PLXNA4: variants seen among roughly 807,000 people sequenced by gnomAD.
PLXNA4 encodes plexin-A4.
In PLXNA4, 44 loss-of-function variants were observed where a neutral mutation model predicts 191.8. The ratio of observed to expected loss-of-function variants is 0.23; its 90% CI spans 0.18 to 0.29. The LOEUF (loss-of-function observed/expected upper bound fraction) is 0.29. PLXNA4 is among the 10% of genes least tolerant of loss of function. The pLI, the probability that PLXNA4 is intolerant of heterozygous loss-of-function variation, is 1.00. For missense variants in PLXNA4, 1,800 were observed against 2,488.8 expected (o/e 0.72, Z 5.89); for synonymous variants, 1,082 against 1,009.5 (o/e 1.07, Z -1.36).
intron 2 of PLXNA4, among the ~76,000 whole-genome samples, chr7:132,642,164 CT>C (rs1227635638): frequency 6.6e-6 from 1 of 151,984 alleles, no homozygotes; most frequent in Non-Finnish European, 1.5e-5. Context: ...TAATTTCTTT[CT>C]TTAATTTTCT....
upstream of PLXNA4, among the ~76,000 whole-genome samples, chr7:132,578,346 C>G (rs1802333469): frequency 6.6e-6 from 1 of 152,166 alleles, no homozygotes; most frequent in African/African-American, 2.4e-5. Flanking sequence ...CAAGGACGAC[C>G]CTCTAAAGGA....
At chr7:132,173,672 C>T (rs1796361734) in intron 21 of PLXNA4, among the ~76,000 whole-genome samples, 2 of 152,230 alleles carry the variant, frequency 1.3e-5, no homozygotes, top group African/African-American at 4.8e-5. Context: ...CTTGGACAGC[C>T]CACTTAGACA....
At chr7:132,132,405 C>CTGT (rs1281165868) in intron 31 of PLXNA4, among the ~76,000 whole-genome samples, 1 of 30,804 alleles carries the variant, frequency 3.2e-5, no homozygotes, top group African/African-American at 1.6e-4. Flanking sequence ...CTGTTCTGTT[C>CTGT]TGTTCTGTTC....
At chr7:132,405,209 C>T (rs963917267) in intron 3 of PLXNA4, among the ~76,000 whole-genome samples, 2 of 152,056 alleles carry the variant, frequency 1.3e-5, no homozygotes, top group Non-Finnish European at 2.9e-5. Context: ...TGGCTGAAAT[C>T]GGGAGGCAGG....
intron 3 of PLXNA4, among the ~76,000 whole-genome samples, chr7:132,322,060 G>A (rs1802189075): frequency 6.6e-6 from 1 of 152,088 alleles, no homozygotes; most frequent in South Asian, 2.1e-4. Context: ...TGAAAAGGTT[G>A]GAAAAGGAAT....
chr7:132,396,976 A>G (rs1034916890), intron 3 of PLXNA4, among the ~76,000 whole-genome samples: 5 of 152,214 alleles, frequency 3.3e-5, no homozygotes, highest in Non-Finnish European at 5.9e-5. Context: ...GGCCTAGGGA[A>G]ATCCTGCCCC....
intron 2 of PLXNA4, among the ~76,000 whole-genome samples, chr7:132,505,785 T>C (rs1274518264): frequency 1.3e-5 from 2 of 152,188 alleles, no homozygotes; most frequent in East Asian, 1.9e-4. Context: ...GAGTGTCTAA[T>C]AGACATGTCC....
chr7:132,626,931 G>A (rs965181752), intron 2 of PLXNA4, among the ~76,000 whole-genome samples: 3 of 152,120 alleles, frequency 2.0e-5, no homozygotes, highest in Admixed American at 1.3e-4. Flanking sequence ...TTTCACAGAT[G>A]TTGATCCCAA....
chr7:132,283,054 A>G (rs1164784639), intron 4 of PLXNA4, among the ~76,000 whole-genome samples: 1 of 152,054 alleles, frequency 6.6e-6, no homozygotes, highest in African/African-American at 2.4e-5. Flanking sequence ...TAATTTTTGT[A>G]GAGACAGGAT....
chr7:132,226,105 C>A, intron 8 of PLXNA4, 56 bp downstream of exon 8: 1 of 1,512,818 alleles, frequency 6.6e-7, no homozygotes, highest in Non-Finnish European at 9.2e-7. Flanking sequence ...GTTTTCTGAT[C>A]TTTGGATGAA....
chr7:132,447,709 T>G (rs1304829758), intron 3 of PLXNA4, among the ~76,000 whole-genome samples: 2 of 152,124 alleles, frequency 1.3e-5, no homozygotes, highest in Non-Finnish European at 2.9e-5. Flanking sequence ...GAACTCAAGC[T>G]GGGTGCAGTG....
intron 1 of PLXNA4, among the ~76,000 whole-genome samples, chr7:132,538,051 C>CA (rs1299358413): frequency 6.6e-6 from 1 of 152,236 alleles, no homozygotes; most frequent in African/African-American, 2.4e-5. Flanking sequence ...AGAAAAGGAT[C>CA]AGACAATCGC....
At chr7:132,182,243 T>A in intron 16 of PLXNA4, 53 bp from the exon 17 acceptor site, 1 of 1,603,716 alleles carries the variant, frequency 6.2e-7, no homozygotes. Context: ...GGAAGAGCAA[T>A]GGCACTCTAC....
intron 20 of PLXNA4, among the ~76,000 whole-genome samples, chr7:132,178,914 G>A (rs1389869522): frequency 7.2e-6 from 1 of 138,438 alleles, no homozygotes; most frequent in African/African-American, 2.8e-5. Context: ...CTGCTTGCTT[G>A]TAAATGAAAC....
intron 3 of PLXNA4, among the ~76,000 whole-genome samples, chr7:132,485,846 TC>T (rs888812787): frequency 1.3e-5 from 2 of 151,972 alleles, no homozygotes; most frequent in African/African-American, 2.4e-5. Flanking sequence ...TCACCTCCTT[TC>T]CCCCCGCTTC....
In PLXNA4 at chr7:132,373,097, T is replaced by C. The variant is rs114675356; in HGVS notation, c.1372-74875A>G. Among the ~76,000 whole-genome samples, 824 of 152,342 alleles carry C rather than the reference T, an allele frequency of 5.4e-3. 6 individuals carry two copies. Among genetic ancestry groups the C allele is most frequent in the African/African-American group, 0.019 (805 of 41,588 alleles). Reference sequence around the variant, plus strand: ...ACTATGTCGTTGGTAAATATCATTATTCCCATTTTGCACGGGCACTAATTC... The same window carrying C: ...ACTATGTCGTTGGTAAATATCATTACTCCCATTTTGCACGGGCACTAATTC... On this transcript the variant is annotated intron_variant, in intron 3 of 31. Transcript: ENST00000321063.
intron 10 of PLXNA4, among the ~76,000 whole-genome samples, chr7:132,210,325 C>T (rs182130657): frequency 3.3e-5 from 5 of 152,318 alleles, no homozygotes; most frequent in East Asian, 1.9e-4. Context: ...ATTAGGTAGA[C>T]AGCTGTCGGC....
intron 2 of PLXNA4, among the ~76,000 whole-genome samples, chr7:132,601,131 T>C (rs7778267): frequency 2.0e-5 from 3 of 152,184 alleles, no homozygotes; most frequent in African/African-American, 7.2e-5. Flanking sequence ...TCAATCTTCA[T>C]AGTCCTCAAA....
intron 3 of PLXNA4, among the ~76,000 whole-genome samples, chr7:132,441,277 C>G (rs771421651): frequency 6.6e-6 from 1 of 152,192 alleles, no homozygotes. Context: ...TTTTTAAACT[C>G]GCCTTTGTCA....
Sources: gnomAD v4.1 joint callset for allele counts (sites outside exome capture counted in the v4.1 genomes callset) on GRCh38, gnomAD v4.1.1 for gene constraint, MANE v1.5 for transcripts, NCBI Gene and HGNC (gene_info 2026-07-23, HGNC 2026-07-21) for gene names.